FBXL7: variants seen among roughly 807,000 people sequenced by gnomAD.
FBXL7 encodes the protein F-box and leucine rich repeat protein 7, also known as F-box/LRR-repeat protein 7.
A neutral mutation model predicts 38.3 loss-of-function variants in FBXL7; 12 were observed. The observed-to-expected ratio is 0.31, with a 90% CI of 0.20 to 0.51. The LOEUF (loss-of-function observed/expected upper bound fraction) is 0.51, where lower values mean the gene tolerates loss of function less well. FBXL7 is among the 20% of genes least tolerant of loss of function. The probability of loss-of-function intolerance (pLI) is 0.98; values close to 1 mark genes in which losing one functional copy is unlikely to be tolerated. For missense variants in FBXL7, 567 were observed against 676.4 expected (o/e 0.84, Z 1.79); for synonymous variants, 297 against 300.9 (o/e 0.99, Z 0.13).
chr5:15,839,444 T>A (rs1738682310), intron 2 of FBXL7, among the ~76,000 whole-genome samples: 2 of 152,190 alleles, frequency 1.3e-5, no homozygotes, highest in South Asian at 4.1e-4. Context: ...TGATTTTTTT[T>A]ATATGGGGAA....
At chr5:15,824,073 T>C (rs2126766838) in intron 2 of FBXL7, among the ~76,000 whole-genome samples, 1 of 146,718 alleles carries the variant, frequency 6.8e-6, no homozygotes, top group East Asian at 2.0e-4. Context: ...AGGTCAGGAG[T>C]TCGAGACCAG....
chr5:15,626,544 C>CTGTGTGTGTGTGTGTGTGTGTGTGTGTG (rs71603784), intron 2 of FBXL7, among the ~76,000 whole-genome samples: 2 of 148,242 alleles, frequency 1.3e-5, no homozygotes, highest in Non-Finnish European at 1.5e-5. Flanking sequence ...AATTCGTTTC[C>CTGTGTGTGTGTGTGTGTGTGTGTGTGTG]TGTGTGTGTG....
chr5:15,742,859 A>G (rs1382937028), intron 2 of FBXL7, among the ~76,000 whole-genome samples: 1 of 152,216 alleles, frequency 6.6e-6, no homozygotes, highest in Non-Finnish European at 1.5e-5. Context: ...AATCATGGCA[A>G]AAGGGAAAGT....
At chr5:15,903,236 G>T (rs191958431) in intron 2 of FBXL7, among the ~76,000 whole-genome samples, 2 of 152,250 alleles carry the variant, frequency 1.3e-5, no homozygotes, top group East Asian at 3.9e-4. Flanking sequence ...TTTCACTGAA[G>T]GATTCTGACA....
intron 2 of FBXL7, among the ~76,000 whole-genome samples, chr5:15,666,305 T>G (rs1053191801): frequency 6.6e-6 from 1 of 152,192 alleles, no homozygotes; most frequent in Non-Finnish European, 1.5e-5. Flanking sequence ...TTTACTGTCT[T>G]AATTATGTTT....
intron 2 of FBXL7, among the ~76,000 whole-genome samples, chr5:15,821,989 C>A (rs747043749): frequency 2.6e-4 from 40 of 152,130 alleles, no homozygotes; most frequent in Non-Finnish European, 4.9e-4. Flanking sequence ...CTGTTTGCTG[C>A]CTCAGTAAAA....
chr5:15,572,063 C>T (rs1050513833), intron 1 of FBXL7, among the ~76,000 whole-genome samples: 7 of 152,116 alleles, frequency 4.6e-5, no homozygotes, highest in African/African-American at 1.7e-4. Flanking sequence ...TAAAAGACAT[C>T]CACTGGGCTT....
chr5:15,931,894 TC>T (rs2126465974), intron 3 of FBXL7, among the ~76,000 whole-genome samples: 1 of 152,258 alleles, frequency 6.6e-6, no homozygotes, highest in South Asian at 2.1e-4. Flanking sequence ...AATGTAGCCT[TC>T]CCCGGCTCAC....
At chr5:15,860,256 C>T (rs1739420510) in intron 2 of FBXL7, among the ~76,000 whole-genome samples, 1 of 152,116 alleles carries the variant, frequency 6.6e-6, no homozygotes, top group Non-Finnish European at 1.5e-5. Flanking sequence ...ACATATTCTC[C>T]TATCTGACAG....
intron 2 of FBXL7, among the ~76,000 whole-genome samples, chr5:15,790,997 G>T (rs1737259590): frequency 1.3e-5 from 2 of 151,566 alleles, no homozygotes; most frequent in Non-Finnish European, 1.5e-5. Context: ...GGCCTGGTAG[G>T]GTAGACAGAG....
intron 1 of FBXL7, among the ~76,000 whole-genome samples, chr5:15,570,528 T>C (rs1312726423): frequency 6.6e-6 from 1 of 152,206 alleles, no homozygotes; most frequent in Admixed American, 6.5e-5. Flanking sequence ...TTCTTCTTAT[T>C]GTTAGAATTG....
At chr5:15,505,181 G>A (rs1736611489) in intron 1 of FBXL7, among the ~76,000 whole-genome samples, 1 of 152,178 alleles carries the variant, frequency 6.6e-6, no homozygotes, top group African/African-American at 2.4e-5. Flanking sequence ...AACATTTATT[G>A]AAAGCTTTCT....
intron 2 of FBXL7, among the ~76,000 whole-genome samples, chr5:15,747,573 G>A (rs989175277): frequency 5.9e-5 from 9 of 152,298 alleles, no homozygotes; most frequent in African/African-American, 1.9e-4. Flanking sequence ...TATTATTTCA[G>A]CCAACACCTA....
chr5:15,595,943 G>T (rs190310299), intron 1 of FBXL7, among the ~76,000 whole-genome samples: 2 of 152,292 alleles, frequency 1.3e-5, no homozygotes, highest in East Asian at 3.9e-4. Context: ...TCAGCAGGTA[G>T]ATGGGATTTG....
At chr5:15,897,861 A>G (rs897242851) in intron 2 of FBXL7, among the ~76,000 whole-genome samples, 1 of 152,188 alleles carries the variant, frequency 6.6e-6, no homozygotes, top group East Asian at 1.9e-4. Flanking sequence ...TAAAAAATTA[A>G]TCCAATGGGA....
chr5:15,938,846 C>T lies in FBXL7; in HGVS notation c.*1660C>T, dbSNP rs1426327358. 2.5e-6 allele frequency: 1 copy of T among 396,904 alleles called. No individual in the cohort carries two copies. Among genetic ancestry groups the T allele is most frequent in the Non-Finnish European group, 4.4e-6 (1 of 225,574 alleles). The allele number at this position is 396,904 out of a possible 1,614,324, so 24.6% of individuals were successfully genotyped here. A position where few individuals can be genotyped will look rare whatever the true frequency, so the allele number is the denominator to read the frequency against. On this transcript the variant is annotated 3_prime_UTR_variant, in exon 4 of 4. Transcript: ENST00000504595. ...TTCCATTGCTGGTTTTCACGAAATT[C>T]ACTTGTCTTTTGCTAATAAACACAT... is the stretch of plus-strand genomic sequence containing the variant.
At position 15,743,742 on chromosome 5, in the gene FBXL7, G is replaced by A. The variant is rs74900151; in HGVS notation, c.127+127670G>A. On this transcript the variant is annotated intron_variant, in intron 2 of 3. Coordinates refer to ENST00000504595, the MANE Select transcript of FBXL7 (RefSeq NM_012304.5). Reference sequence around the variant, plus strand: ...TGCACTGCCCTAGCAGTGGTTTTCCGTGAGGGACCCACCTCTGCAGCAGAC... The same window carrying A: ...TGCACTGCCCTAGCAGTGGTTTTCCATGAGGGACCCACCTCTGCAGCAGAC... 7.5e-3 allele frequency among the ~76,000 whole-genome samples: 1,145 copies of A among 152,310 alleles called. 13 individuals are homozygous for A. Among genetic ancestry groups the A allele is most frequent in the African/African-American group, 0.026 (1,074 of 41,564 alleles).
chr5:15,728,397 G>A (rs966653252), intron 2 of FBXL7, among the ~76,000 whole-genome samples: 14 of 152,128 alleles, frequency 9.2e-5, no homozygotes, highest in African/African-American at 3.4e-4. Flanking sequence ...GATAATAGGG[G>A]ACTGGGATTT....
At chr5:15,538,633 C>A (rs980310547) in intron 1 of FBXL7, among the ~76,000 whole-genome samples, 2 of 152,162 alleles carry the variant, frequency 1.3e-5, no homozygotes, top group African/African-American at 4.8e-5. Flanking sequence ...ATATTAATGG[C>A]AAATGTGCTT....
Sources: gnomAD v4.1 joint callset for allele counts (sites outside exome capture counted in the v4.1 genomes callset) on GRCh38, gnomAD v4.1.1 for gene constraint, MANE v1.5 for transcripts, NCBI Gene and HGNC (gene_info 2026-07-23, HGNC 2026-07-21) for gene names.